CYP2C19: variants seen among roughly 807,000 people sequenced by gnomAD.
CYP2C19 encodes cytochrome P450 2C19.
Under a neutral mutation model 40.9 loss-of-function variants are expected in CYP2C19, and 59 were observed. The observed-to-expected ratio is 1.44, with a 90% CI of 1.17 to 1.79. The LOEUF is 1.79. Among genes scored for constraint, CYP2C19 ranks in the 40% most tolerant of loss-of-function variants. The pLI, the probability that CYP2C19 is intolerant of heterozygous loss-of-function variation, is 0.00. For missense variants in CYP2C19, 754 were observed against 596.9 expected (o/e 1.26, Z -2.74); for synonymous variants, 253 against 208.7 (o/e 1.21, Z -1.83).
At chr10:94,784,875 C>T (rs1353706087) in intron 5 of CYP2C19, among the ~76,000 whole-genome samples, 1 of 152,046 alleles carries the variant, frequency 6.6e-6, no homozygotes, top group African/African-American at 2.4e-5. Context: ...CAGGTGTGAG[C>T]CACCATGCCC....
intron 6 of CYP2C19, among the ~76,000 whole-genome samples, chr10:94,838,644 T>A (rs946717426): frequency 6.6e-6 from 1 of 152,066 alleles, no homozygotes; most frequent in Non-Finnish European, 1.5e-5. Flanking sequence ...TTTGGACGGT[T>A]TGTGTTGAAG....
At chr10:94,790,190 A>G (rs1848588149) in intron 5 of CYP2C19, among the ~76,000 whole-genome samples, 1 of 151,996 alleles carries the variant, frequency 6.6e-6, no homozygotes, top group Non-Finnish European at 1.5e-5. Context: ...TTGCACCTTG[A>G]TTTTTGTATC....
rs146750273 is a variant in CYP2C19 at position 94,853,481 on chromosome 10, C to T, written c.*567C>T. ...CTGTGTCCAGGAGCAGCTCCAACCT[C>T]TAGGGAAATATTCAGAGGATCAGGT... On this transcript the variant is annotated 3_prime_UTR_variant, in exon 9 of 9. Coordinates refer to ENST00000371321, the MANE Select transcript of CYP2C19 (RefSeq NM_000769.4). Among the ~76,000 whole-genome samples the T allele has an allele frequency of 2.3e-3, 340 of 151,022 alleles. No individual in the cohort carries two copies. Among genetic ancestry groups the T allele is most frequent in the African/African-American group, 7.4e-3 (304 of 41,092 alleles).
chr10:94,826,572 G>A (rs113905855), intron 6 of CYP2C19, among the ~76,000 whole-genome samples: 1 of 152,140 alleles, frequency 6.6e-6, no homozygotes, highest in African/African-American at 2.4e-5. Context: ...AGATGATGGG[G>A]TTTTCTAGAT....
At chr10:94,825,358 G>A (rs1164481887) in intron 6 of CYP2C19, among the ~76,000 whole-genome samples, 2 of 148,934 alleles carry the variant, frequency 1.3e-5, no homozygotes, top group African/African-American at 4.9e-5. Flanking sequence ...TCTAACTGGT[G>A]TGAGATGGTA....
chr10:94,799,545 G>A (rs1030032933), intron 5 of CYP2C19, among the ~76,000 whole-genome samples: 1 of 152,100 alleles, frequency 6.6e-6, no homozygotes, highest in African/African-American at 2.4e-5. Flanking sequence ...TTGAATGTTG[G>A]CCTGCCTTGC....
rs147538575 is a variant in CYP2C19 at position 94,823,580 on chromosome 10, T to A, written c.961+2943T>A. ...CAGAGTGAATGAAATGAAAACATAC[T>A]CTGCTAGACACAGGGTCATGGAATT... is the stretch of plus-strand genomic sequence containing the variant. On this transcript the variant is annotated intron_variant, in intron 6 of 8. Transcript: ENST00000371321. Among the ~76,000 whole-genome samples the A allele has an allele frequency of 3.1e-3, 475 of 152,248 alleles. 3 individuals are homozygous for A. Among genetic ancestry groups the A allele is most frequent in the African/African-American group, 0.011 (452 of 41,544 alleles).
At chr10:94,812,130 A>T (rs1168592794) in intron 5 of CYP2C19, among the ~76,000 whole-genome samples, 3 of 152,280 alleles carry the variant, frequency 2.0e-5, no homozygotes, top group South Asian at 2.1e-4. Context: ...TCCTTTGCCT[A>T]TGAAGCTTAA....
At chr10:94,820,415 C>T in intron 5 of CYP2C19, 81 bp from the exon 6 acceptor site, 5 of 1,492,026 alleles carry the variant, frequency 3.4e-6, no homozygotes, top group Non-Finnish European at 4.7e-6. Flanking sequence ...GGTAAGTATA[C>T]AATGTGAGTA....
intron 6 of CYP2C19, among the ~76,000 whole-genome samples, chr10:94,832,109 T>C (rs1849344371): frequency 1.3e-5 from 2 of 152,204 alleles, no homozygotes; most frequent in South Asian, 4.1e-4. Context: ...TCCAGATTCA[T>C]CCCTCTGTGT....
intron 6 of CYP2C19, among the ~76,000 whole-genome samples, chr10:94,832,540 G>A (rs1849350733): frequency 6.6e-6 from 1 of 152,142 alleles, no homozygotes; most frequent in South Asian, 2.1e-4. Flanking sequence ...GCCAAACCAT[G>A]TCAGCACCTT....
At chr10:94,822,298 A>G (rs1019900004) in intron 6 of CYP2C19, among the ~76,000 whole-genome samples, 32 of 152,148 alleles carry the variant, frequency 2.1e-4, no homozygotes, top group African/African-American at 7.0e-4. Flanking sequence ...AGACTTATTT[A>G]CTATCACAAG....
At chr10:94,837,064 G>T (rs1170663657) in intron 6 of CYP2C19, among the ~76,000 whole-genome samples, 1 of 152,122 alleles carries the variant, frequency 6.6e-6, no homozygotes, top group Non-Finnish European at 1.5e-5. Context: ...CATCCTTAAG[G>T]TCCAGGACTG....
intron 5 of CYP2C19, among the ~76,000 whole-genome samples, chr10:94,790,731 G>A (rs941627677): frequency 1.3e-5 from 2 of 152,088 alleles, no homozygotes; most frequent in African/African-American, 2.4e-5. Flanking sequence ...ACTTGATCGT[G>A]GTGGATAAGC....
chr10:94,831,513 CCA>C (rs1849334940), intron 6 of CYP2C19, among the ~76,000 whole-genome samples: 1 of 152,120 alleles, frequency 6.6e-6, no homozygotes, highest in Non-Finnish European at 1.5e-5. Context: ...ATTTACATTC[CCA>C]CCAACGTTGT....
chr10:94,798,838 T>G (rs1035168790), intron 5 of CYP2C19, among the ~76,000 whole-genome samples: 1 of 129,196 alleles, frequency 7.7e-6, no homozygotes, highest in South Asian at 2.7e-4. Context: ...TTTTTTTTTT[T>G]GCTGTCTATT....
At chr10:94,785,853 C>T (rs1052919280) in intron 5 of CYP2C19, among the ~76,000 whole-genome samples, 3 of 152,014 alleles carry the variant, frequency 2.0e-5, no homozygotes, top group African/African-American at 7.2e-5. Flanking sequence ...GCCACATGTA[C>T]AGTAAGGAGC....
In CYP2C19 at chr10:94,803,359, G is replaced by A. The variant is rs562521857; in HGVS notation, c.820-17137G>A. Among the ~76,000 whole-genome samples, 219 of 152,080 alleles carry A rather than the reference G, an allele frequency of 1.4e-3. 1 individual carries two copies. The highest frequency in any genetic ancestry group is 2.8e-3 in the Non-Finnish European group (189 of 67,998). Reference sequence around the variant, plus strand: ...TTACTTCTGTGGGTAGTTTTATATCGGCCTGTGCAGTTTGACATACATGTC... The same window carrying A: ...TTACTTCTGTGGGTAGTTTTATATCAGCCTGTGCAGTTTGACATACATGTC... On this transcript the variant is annotated intron_variant, in intron 5 of 8. Transcript: ENST00000371321.
chr10:94,798,669 G>T (rs1848722026), intron 5 of CYP2C19, among the ~76,000 whole-genome samples: 1 of 152,008 alleles, frequency 6.6e-6, no homozygotes, highest in Non-Finnish European at 1.5e-5. Context: ...GAATCTGGGT[G>T]CTCCTGTATT....
Sources: allele counts gnomAD v4.1 joint callset (sites outside exome capture counted in the v4.1 genomes callset), GRCh38; gene constraint gnomAD v4.1.1; transcripts MANE v1.5; gene names NCBI Gene and HGNC (gene_info 2026-07-23, HGNC 2026-07-21).